PARD3: variants seen among roughly 807,000 people sequenced by gnomAD.
PARD3 encodes partitioning defective 3 homolog.
In PARD3, 75 loss-of-function variants were observed where a neutral mutation model predicts 155.4. The ratio of observed to expected loss-of-function variants is 0.48; its 90% CI spans 0.40 to 0.58. PARD3 has a LOEUF of 0.58. PARD3 is among the 20% of genes least tolerant of loss of function. The probability of loss-of-function intolerance (pLI) is 0.00; values close to 1 mark genes in which losing one functional copy is unlikely to be tolerated. For synonymous variants in PARD3, 576 were observed against 610.5 expected, an observed-to-expected ratio of 0.94 and a Z score of 0.83; for missense variants, 1,642 against 1,721.7, an observed-to-expected ratio of 0.95 and a Z score of 0.82.
intron 2 of PARD3, among the ~76,000 whole-genome samples, chr10:34,634,557 G>T (rs758516439): frequency 1.3e-4 from 20 of 152,266 alleles, no homozygotes; most frequent in Non-Finnish European, 2.5e-4. Flanking sequence ...ATAAACAGAA[G>T]AAACTGAAAG....
chr10:34,681,903 GAGCTAC>G (rs1028806036), intron 2 of PARD3, among the ~76,000 whole-genome samples: 1 of 147,174 alleles, frequency 6.8e-6, no homozygotes, highest in Non-Finnish European at 1.5e-5. Context: ...TTATAGGCAT[GAGCTAC>G]CAGCACCCCG....
chr10:34,205,016 T>G (rs1951403934), intron 22 of PARD3, among the ~76,000 whole-genome samples: 1 of 152,194 alleles, frequency 6.6e-6, no homozygotes, highest in Admixed American at 6.5e-5. Flanking sequence ...TTATAGCAAC[T>G]ATAGGGAGTA....
chr10:34,798,059 C>T (rs994146088), intron 1 of PARD3, among the ~76,000 whole-genome samples: 5 of 152,024 alleles, frequency 3.3e-5, no homozygotes, highest in Non-Finnish European at 4.4e-5. Context: ...GTAGCTCACC[C>T]CTATAACCCC....
intron 22 of PARD3, among the ~76,000 whole-genome samples, chr10:34,263,433 G>C (rs574471299): frequency 6.2e-4 from 94 of 152,180 alleles, no homozygotes; most frequent in Non-Finnish European, 1.2e-3. Flanking sequence ...GAGGCAGGTG[G>C]ATCACTTGAG....
At chr10:34,668,389 G>C (rs1008825609) in intron 2 of PARD3, among the ~76,000 whole-genome samples, 5 of 152,142 alleles carry the variant, frequency 3.3e-5, no homozygotes, top group Non-Finnish European at 5.9e-5. Flanking sequence ...AACCTGCTCA[G>C]TGCAACTGAA....
chr10:34,452,649 A>G (rs143204167), intron 4 of PARD3, among the ~76,000 whole-genome samples: 99 of 152,178 alleles, frequency 6.5e-4, no homozygotes, highest in Non-Finnish European at 1.3e-3. Context: ...TGTTGGCGCT[A>G]TGGACTGCTG....
At chr10:34,785,462 G>C (rs930353607) in intron 1 of PARD3, among the ~76,000 whole-genome samples, 1 of 151,706 alleles carries the variant, frequency 6.6e-6, no homozygotes, top group African/African-American at 2.4e-5. Flanking sequence ...GAAAGAAAAA[G>C]AGTCCAGGCA....
At chr10:34,200,984 G>A (rs1951183552) in intron 22 of PARD3, among the ~76,000 whole-genome samples, 1 of 152,168 alleles carries the variant, frequency 6.6e-6, no homozygotes, top group Admixed American at 6.5e-5. Flanking sequence ...TCTCTCCAAT[G>A]TATGTGTGAG....
chr10:34,783,364 G>A (rs962400263), intron 1 of PARD3, among the ~76,000 whole-genome samples: 2 of 151,494 alleles, frequency 1.3e-5, no homozygotes, highest in Non-Finnish European at 2.9e-5. Context: ...CAGCACTTTC[G>A]GAGGCCGAGG....
chr10:34,246,096 A>G (rs1226959925), intron 22 of PARD3, among the ~76,000 whole-genome samples: 2 of 152,344 alleles, frequency 1.3e-5, no homozygotes, highest in South Asian at 4.1e-4. Context: ...CATTTTCCTG[A>G]TGGCCTCCAG....
intron 22 of PARD3, among the ~76,000 whole-genome samples, chr10:34,207,953 GA>G (rs1951557681): frequency 1.3e-5 from 2 of 152,160 alleles, no homozygotes; most frequent in South Asian, 4.1e-4. Context: ...CTGTAAAAGA[GA>G]AAAAAGTAAT....
chr10:34,809,386 A>G (rs1843801485), intron 1 of PARD3, among the ~76,000 whole-genome samples: 1 of 152,132 alleles, frequency 6.6e-6, no homozygotes, highest in African/African-American at 2.4e-5. Context: ...AAAACCACAC[A>G]GCACAGCCCA....
At chr10:34,502,993 G>A (rs1187091271) in intron 3 of PARD3, among the ~76,000 whole-genome samples, 1 of 152,056 alleles carries the variant, frequency 6.6e-6, no homozygotes, top group Non-Finnish European at 1.5e-5. Context: ...AGAATTAAAT[G>A]CAGTTTTATG....
chr10:34,170,547 T>G (rs1479794820), intron 22 of PARD3, among the ~76,000 whole-genome samples: 1 of 152,066 alleles, frequency 6.6e-6, no homozygotes, highest in Admixed American at 6.5e-5. Context: ...AACATCAGGA[T>G]AGAGGTAAGC....
intron 22 of PARD3, among the ~76,000 whole-genome samples, chr10:34,258,538 A>C (rs937549610): frequency 5.3e-5 from 8 of 152,164 alleles, no homozygotes; most frequent in Admixed American, 1.3e-4. Context: ...GGATCAGGTG[A>C]CTGATAGGCA....
chr10:34,444,345 T>A (rs1311624690), intron 5 of PARD3, among the ~76,000 whole-genome samples: 1 of 152,232 alleles, frequency 6.6e-6, no homozygotes, highest in Non-Finnish European at 1.5e-5. Context: ...TTAGTTGCAA[T>A]AAAGTGTGGG....
At chr10:34,619,587 G>C (rs1398825371) in intron 2 of PARD3, among the ~76,000 whole-genome samples, 1 of 151,912 alleles carries the variant, frequency 6.6e-6, no homozygotes. Flanking sequence ...CATGAGATTG[G>C]AATACTCCAG....
intron 22 of PARD3, among the ~76,000 whole-genome samples, chr10:34,204,693 C>T (rs903140680): frequency 1.4e-5 from 2 of 147,460 alleles, no homozygotes; most frequent in African/African-American, 2.4e-5. Flanking sequence ...GGTGTGCTTA[C>T]GTTACATTCC....
chr10:34,215,635 T>TA (rs1951967665), intron 22 of PARD3, among the ~76,000 whole-genome samples: 1 of 152,256 alleles, frequency 6.6e-6, no homozygotes, highest in Non-Finnish European at 1.5e-5. Flanking sequence ...GTCTTCTAGT[T>TA]ACACTCTTCA....
Sources: allele counts gnomAD v4.1 joint callset (sites outside exome capture counted in the v4.1 genomes callset), GRCh38; gene constraint gnomAD v4.1.1; transcripts MANE v1.5; gene names NCBI Gene and HGNC (gene_info 2026-07-23, HGNC 2026-07-21).